The following DENND2A variants were observed in gnomAD, a reference collection of about 807,000 sequenced individuals.
DENND2A encodes the protein DENN domain-containing protein 2A.
A neutral mutation model predicts 105.3 loss-of-function variants in DENND2A; 53 were observed. The ratio of observed to expected loss-of-function variants is 0.50; its 90% CI spans 0.40 to 0.63. DENND2A has a LOEUF of 0.63. Ranked by LOEUF, DENND2A falls within the 30% of genes least tolerant of loss-of-function variation. DENND2A has a pLI of 0.00. For synonymous variants in DENND2A, 522 were observed against 508.4 expected, an observed-to-expected ratio of 1.03 and a Z score of -0.36; for missense variants, 1,138 against 1,279.6, an observed-to-expected ratio of 0.89 and a Z score of 1.69.
At chr7:140,561,161 C>A (rs1797599250) in intron 9 of DENND2A, among the ~76,000 whole-genome samples, 1 of 151,994 alleles carries the variant, frequency 6.6e-6, no homozygotes, top group African/African-American at 2.4e-5. Context: ...TGCATACCAT[C>A]ACACCTAGCC....
chr7:140,539,965 G>T (rs1244090590), intron 14 of DENND2A, among the ~76,000 whole-genome samples: 1 of 152,214 alleles, frequency 6.6e-6, no homozygotes, highest in Admixed American at 6.5e-5. Context: ...ACAAGACAGC[G>T]GAGTCCCGGA....
chr7:140,569,828 T>C (rs868738169), intron 6 of DENND2A, 90 bp from the exon 7 acceptor site: 20 of 861,112 alleles, frequency 2.3e-5, no homozygotes, highest in Middle Eastern at 5.8e-4. Flanking sequence ...CCTAGGACGA[T>C]GGAGGGCCAG....
chr7:140,623,044 TC>T (rs1447751802), intron 1 of DENND2A, among the ~76,000 whole-genome samples: 1 of 151,096 alleles, frequency 6.6e-6, no homozygotes, highest in East Asian at 2.0e-4. Flanking sequence ...CCTCAAGAAG[TC>T]CCTCTCCGGC....
chr7:140,519,847 T>G (rs542663838), intron 18 of DENND2A, 129 bp from the exon 19 acceptor site: 1 of 788,924 alleles, frequency 1.3e-6, no homozygotes, highest in African/African-American at 1.7e-5. Flanking sequence ...AAACATGCTC[T>G]GAATCAGGAG....
intron 14 of DENND2A, among the ~76,000 whole-genome samples, chr7:140,528,676 G>C (rs6948434): frequency 0.18 from 27,567 of 151,296 alleles, 4,560 homozygotes; most frequent in African/African-American, 0.45. Context: ...AGGAGAATCG[G>C]TTGAACCCAG....
intron 16 of DENND2A, among the ~76,000 whole-genome samples, chr7:140,524,475 G>A (rs903760196): frequency 2.6e-5 from 4 of 152,220 alleles, no homozygotes; most frequent in Middle Eastern, 3.4e-3. Flanking sequence ...GACAACAAGC[G>A]TTAATGTTTT....
chr7:140,535,536 A>T (rs1169816540), intron 14 of DENND2A, among the ~76,000 whole-genome samples: 8 of 151,080 alleles, frequency 5.3e-5, no homozygotes, highest in Admixed American at 5.3e-4. Context: ...AGACTAGATC[A>T]TCGCTAGATC....
At chr7:140,555,203 G>A (rs1376513713) in intron 12 of DENND2A, among the ~76,000 whole-genome samples, 4 of 150,776 alleles carry the variant, frequency 2.7e-5, no homozygotes, top group South Asian at 2.1e-4. Context: ...GCACGATCTC[G>A]GCTCACTGCA....
At chr7:140,624,093 G>T (rs1484721418) in intron 1 of DENND2A, among the ~76,000 whole-genome samples, 1 of 152,202 alleles carries the variant, frequency 6.6e-6, no homozygotes, top group Admixed American at 6.5e-5. Flanking sequence ...GAGCTGACAG[G>T]AGGAATGGGA....
intron 14 of DENND2A, among the ~76,000 whole-genome samples, chr7:140,533,844 G>C (rs1041764052): frequency 6.6e-6 from 1 of 152,152 alleles, no homozygotes; most frequent in Non-Finnish European, 1.5e-5. Context: ...TGGAGCACAG[G>C]GTGCTGGAGA....
At position 140,559,687 on chromosome 7, in the gene DENND2A, A is replaced by AG; in HGVS notation, c.1889+20dup. 6.3e-7 allele frequency: 1 copy of AG among 1,586,328 alleles called. No homozygotes were observed. The stretch of plus-strand genomic sequence containing the variant: ...CTCGCCTTAGTCTTTGGGGCTGCGA[A>AG]GGGGAGAAGCCAGCTCGTACCTGGT... On this transcript the variant is annotated intron_variant, in intron 10 of 19. Coordinates refer to ENST00000496613, the MANE Select transcript of DENND2A (RefSeq NM_015689.5). This position sits in a 1 kb window ranked among gnomAD's most constrained non-coding sequence, Gnocchi z 4.1.
intron 5 of DENND2A, among the ~76,000 whole-genome samples, chr7:140,578,759 C>A (rs1307703385): frequency 6.6e-6 from 1 of 151,880 alleles, no homozygotes. Flanking sequence ...TGGGCACCTG[C>A]GCTACTCAGG....
chr7:140,595,061 C>T (rs1490914265), intron 3 of DENND2A, among the ~76,000 whole-genome samples: 2 of 151,560 alleles, frequency 1.3e-5, no homozygotes, highest in Non-Finnish European at 2.9e-5. Context: ...GGCTAGAATG[C>T]AGTGGCAGGA....
chr7:140,597,208 TAAG>T (rs1799317600), intron 3 of DENND2A, among the ~76,000 whole-genome samples: 1 of 152,150 alleles, frequency 6.6e-6, no homozygotes, highest in Non-Finnish European at 1.5e-5. Flanking sequence ...GTTTTGCTCT[TAAG>T]GAGGTGAAAT....
At chr7:140,553,285 T>C (rs1184809824) in intron 12 of DENND2A, among the ~76,000 whole-genome samples, 3 of 152,186 alleles carry the variant, frequency 2.0e-5, no homozygotes, top group Non-Finnish European at 4.4e-5. Context: ...AAGAATAAAG[T>C]GCTGTGCTTT....
rs184869700 is a variant in DENND2A at position 140,622,310 on chromosome 7, C to T, written c.-247-16504G>A. ...ACTCGGGAGGCTGAGGCAAGAGAAT[C>T]GCTTGAACCTGGGAGGCGGAGGTTG... is the stretch of plus-strand genomic sequence containing the variant. On this transcript the variant is annotated intron_variant, in intron 1 of 19. Coordinates refer to ENST00000496613, the MANE Select transcript of DENND2A (RefSeq NM_015689.5). Among the ~76,000 whole-genome samples, 980 of 151,990 alleles carry T rather than the reference C, an allele frequency of 6.4e-3. 5 individuals carry two copies. The highest frequency in any genetic ancestry group is 1.0e-2 in the Non-Finnish European group (677 of 67,988).
At position 140,557,640 on chromosome 7, in the gene DENND2A, C is replaced by T. The variant is rs1367473474; in HGVS notation, c.1959+503G>A. 3.6e-5 allele frequency among the ~76,000 whole-genome samples: 5 copies of T among 138,106 alleles called. No homozygotes were observed. The South Asian group carries it at 7.8e-4, about 21-fold the overall frequency. The allele number at this position is 138,106 out of a possible 152,430, so 90.6% of individuals were successfully genotyped here. Reference sequence around the variant, plus strand: ...CTGCAAGCTCCGCCTCCCGGGTTCACGCCATTCTCCTGCCTCAGCCTCCCG... The same window carrying T: ...CTGCAAGCTCCGCCTCCCGGGTTCATGCCATTCTCCTGCCTCAGCCTCCCG... On this transcript the variant is annotated intron_variant, in intron 11 of 19. Coordinates refer to ENST00000496613, the MANE Select transcript of DENND2A (RefSeq NM_015689.5).
intron 14 of DENND2A, chr7:140,544,081 T>C (rs115791732): frequency 0.019 from 3,373 of 180,644 alleles, 119 homozygotes; most frequent in African/African-American, 0.075. Context: ...TAGTAGAGAC[T>C]GAGTTTCATC....
chr7:140,612,646 C>T (rs1799942732), intron 1 of DENND2A, among the ~76,000 whole-genome samples: 1 of 151,984 alleles, frequency 6.6e-6, no homozygotes, highest in Non-Finnish European at 1.5e-5. Context: ...GAATTATGGT[C>T]ATGTACCACC....
Sources: gnomAD v4.1 joint callset for allele counts (sites outside exome capture counted in the v4.1 genomes callset) on GRCh38, gnomAD v4.1.1 for gene constraint, Gnocchi (gnomAD v3.1) non-coding constraint, MANE v1.5 for transcripts, NCBI Gene and HGNC (gene_info 2026-07-23, HGNC 2026-07-21) for gene names.